The following JPH3 variants were observed in gnomAD, a reference collection of about 807,000 sequenced individuals.
JPH3 encodes the protein junctophilin-3.
In JPH3, 11 loss-of-function variants were observed where a neutral mutation model predicts 59.6. The observed-to-expected ratio is 0.18, with a 90% CI of 0.12 to 0.31. The LOEUF (loss-of-function observed/expected upper bound fraction) is 0.31. Among genes scored for constraint, JPH3 ranks in the 10% least tolerant of loss-of-function variants. The pLI is 1.00. For missense variants in JPH3, 1,202 were observed against 1,105.7 expected, an observed-to-expected ratio of 1.09 and a Z score of -1.24; for synonymous variants, 673 against 483.6, an observed-to-expected ratio of 1.39 and a Z score of -5.14.
intron 1 of JPH3, among the ~76,000 whole-genome samples, chr16:87,626,011 G>A (rs1031469684): frequency 6.6e-6 from 1 of 152,206 alleles, no homozygotes; most frequent in Non-Finnish European, 1.5e-5. Flanking sequence ...TCTCCAGATT[G>A]GCCACTCCTG....
intron 1 of JPH3, among the ~76,000 whole-genome samples, chr16:87,625,218 G>A (rs908539971): frequency 6.6e-6 from 1 of 152,228 alleles, no homozygotes; most frequent in African/African-American, 2.4e-5. Context: ...TCCACCTGGC[G>A]ACTGACCACT....
intron 3 of JPH3, among the ~76,000 whole-genome samples, chr16:87,686,183 C>T (rs760742533): frequency 8.5e-5 from 13 of 152,224 alleles, no homozygotes; most frequent in Non-Finnish European, 1.2e-4. Context: ...CCCACCCCCG[C>T]GTGGTGCTTT....
In JPH3 at chr16:87,644,377, C is replaced by T. The variant is rs199923310; in HGVS notation, c.502C>T (p.Arg168Cys). The T allele has an allele frequency of 1.9e-5, 31 of 1,612,878 alleles. No individual in the cohort carries two copies. Among genetic ancestry groups the T allele is most frequent in the Admixed American group, 1.0e-4 (6 of 60,018 alleles). Reference sequence around the variant, plus strand: ...CCTGAGGACGTCCATCAACTCCCTGCGCAGCGAGCACACCAACGGCACGGC... The same window carrying T: ...CCTGAGGACGTCCATCAACTCCCTGTGCAGCGAGCACACCAACGGCACGGC... The part of the protein sequence containing the change: ...SPLRTSINSL[R>C]SEHTNGTALH... Residue 168 changes from arginine to cysteine, a missense_variant, in exon 2 of 5, where the codon CGC becomes TGC. Coordinates refer to ENST00000284262, the MANE Select transcript of JPH3 (RefSeq NM_020655.4).
chr16:87,664,032 G>T (rs907047898), intron 2 of JPH3, among the ~76,000 whole-genome samples: 20 of 152,280 alleles, frequency 1.3e-4, no homozygotes, highest in African/African-American at 4.6e-4. Flanking sequence ...GTACTCAGGG[G>T]TTAAAAATCA....
At chr16:87,633,686 C>G (rs1334732835) in intron 1 of JPH3, among the ~76,000 whole-genome samples, 5 of 151,930 alleles carry the variant, frequency 3.3e-5, no homozygotes, top group Non-Finnish European at 7.4e-5. Flanking sequence ...GTAGTACCAG[C>G]TACTCGGGAG....
intron 1 of JPH3, among the ~76,000 whole-genome samples, chr16:87,625,702 T>C (rs187900979): frequency 3.1e-4 from 47 of 152,244 alleles, no homozygotes; most frequent in African/African-American, 1.1e-3. Flanking sequence ...CAAACCCCTG[T>C]CAACACCAGT....
At position 87,670,651 on chromosome 16, in the gene JPH3, C is replaced by T. The variant is rs1416467567; in HGVS notation, c.1161-13491C>T. On this transcript the variant is annotated intron_variant, in intron 2 of 4. Transcript: ENST00000284262. ...GGTGCCACACACTGCGGATGGGACG[C>T]AGGGTACCGCACAGCCCCGGTCCTC... Among the ~76,000 whole-genome samples, 3 of 152,252 alleles carry T rather than the reference C, an allele frequency of 2.0e-5. No homozygotes were observed. The East Asian group carries it at 5.8e-4, about 29-fold the overall frequency.
chr16:87,687,402 G>A (rs2033444638), intron 3 of JPH3, among the ~76,000 whole-genome samples: 2 of 152,220 alleles, frequency 1.3e-5, no homozygotes, highest in African/African-American at 4.8e-5. Flanking sequence ...GCAGAGAGTG[G>A]CTGGCGCCAG....
intron 1 of JPH3, among the ~76,000 whole-genome samples, chr16:87,624,438 G>C (rs2031295019): frequency 6.6e-6 from 1 of 152,168 alleles, no homozygotes; most frequent in African/African-American, 2.4e-5. Context: ...TGTCGCTTCT[G>C]TTGCCCAGCG....
chr16:87,652,056 G>T (rs1399750736), intron 2 of JPH3, among the ~76,000 whole-genome samples: 2 of 150,964 alleles, frequency 1.3e-5, no homozygotes, highest in East Asian at 4.0e-4. Context: ...CTCACTGCAA[G>T]CTCCGCCTCC....
At position 87,668,194 on chromosome 16, in the gene JPH3, A is replaced by G. The variant is rs113739917; in HGVS notation, c.1161-15948A>G. Among the ~76,000 whole-genome samples, 720 of 152,278 alleles carry G rather than the reference A, an allele frequency of 4.7e-3. 5 individuals carry two copies. The highest frequency in any genetic ancestry group is 0.016 in the African/African-American group (656 of 41,574). On this transcript the variant is annotated intron_variant, in intron 2 of 4. Transcript: ENST00000284262. ...TCCAGCCGCTCCGGGTCCTCTGGGA[A>G]GCTCTGGCCTCTTCACCAGCCCTGC...
rs371908265 is a variant in JPH3, at chr16:87,644,989, C to T, written c.1114C>T (p.Arg372Trp). Residue 372 changes from arginine to tryptophan, a missense_variant, in exon 2 of 5, where the codon CGG becomes TGG. Coordinates refer to ENST00000284262, the MANE Select transcript of JPH3 (RefSeq NM_020655.4). Reference protein sequence around the residue: ...KVDRAVEAAERAATIAKQKAE... With the variant: ...KVDRAVEAAEWAATIAKQKAE... ...GGACCGCGCCGTTGAGGCCGCTGAG[C>T]GGGCCGCCACCATCGCCAAGCAGAA... 6.4e-5 allele frequency: 103 copies of T among 1,607,980 alleles called. 1 individual carries two copies. The highest frequency in any genetic ancestry group is 5.0e-4 in the Middle Eastern group (3 of 6,026).
Position 87,697,059 on chromosome 16 carries a change from G to T in JPH3, c.*399G>T, listed in dbSNP as rs998749941. 4.1e-5 allele frequency: 11 copies of T among 265,698 alleles called. No individual in the cohort carries two copies. Among genetic ancestry groups the T allele is most frequent in the Admixed American group, 3.3e-4 (7 of 21,068 alleles). 16.5% of individuals were successfully genotyped at this position (265,698 alleles called of 1,614,324 possible). ...AGCCTCAGCCCCGCGGCCCCTGAGTGGCAGGGCTGACTCCCGTCGACACGA... is the reference window on the plus strand; with the variant it reads ...AGCCTCAGCCCCGCGGCCCCTGAGTTGCAGGGCTGACTCCCGTCGACACGA... On this transcript the variant is annotated 3_prime_UTR_variant, in exon 5 of 5. Coordinates refer to ENST00000284262, the MANE Select transcript of JPH3 (RefSeq NM_020655.4).
intron 1 of JPH3, among the ~76,000 whole-genome samples, chr16:87,636,269 G>A (rs1006984324): frequency 2.6e-5 from 4 of 152,212 alleles, no homozygotes; most frequent in Admixed American, 6.5e-5. Context: ...CTGCATCTGC[G>A]CCGTTCAGCT....
At chr16:87,633,482 C>CAAAAA (rs60063813) in intron 1 of JPH3, among the ~76,000 whole-genome samples, 1 of 144,156 alleles carries the variant, frequency 6.9e-6, no homozygotes, top group African/African-American at 2.6e-5. Flanking sequence ...TAAGATTAAC[C>CAAAAA]AAAAAAAAAA....
At chr16:87,614,837 G>A (rs1426107083) in intron 1 of JPH3, among the ~76,000 whole-genome samples, 3 of 146,464 alleles carry the variant, frequency 2.0e-5, no homozygotes, top group Admixed American at 1.4e-4. Flanking sequence ...GGAGCTGTGC[G>A]TCCCTTCCCG....
At chr16:87,609,813 T>G (rs2082114997) in intron 1 of JPH3, among the ~76,000 whole-genome samples, 1 of 152,214 alleles carries the variant, frequency 6.6e-6, no homozygotes, top group African/African-American at 2.4e-5. Context: ...CAGGGACCTG[T>G]TTCATGGAAG....
At chr16:87,629,808 C>G (rs1369339875) in intron 1 of JPH3, among the ~76,000 whole-genome samples, 1 of 152,060 alleles carries the variant, frequency 6.6e-6, no homozygotes, top group Non-Finnish European at 1.5e-5. Flanking sequence ...GGCGTGGACC[C>G]TGATGAAAAC....
intron 3 of JPH3, chr16:87,684,490 C>T (rs2033369830): frequency 1.6e-6 from 1 of 622,612 alleles, no homozygotes; most frequent in Non-Finnish European, 2.7e-6. Flanking sequence ...AGGTCTCTCC[C>T]ATTCCCACAG....
Sources: allele counts gnomAD v4.1 joint callset (sites outside exome capture counted in the v4.1 genomes callset), GRCh38; gene constraint gnomAD v4.1.1; transcripts MANE v1.5; gene names NCBI Gene and HGNC (gene_info 2026-07-23, HGNC 2026-07-21).